The following TRPV1 variants were observed in gnomAD, a reference collection of about 807,000 sequenced individuals.
TRPV1 encodes the protein OTRPC1.
In TRPV1, 82 loss-of-function variants were observed where a neutral mutation model predicts 82.3. The observed-to-expected ratio is 1.00, with a 90% CI of 0.83 to 1.20. The LOEUF is 1.20. TRPV1 is among the 50% of genes most tolerant of loss of function. The probability of loss-of-function intolerance (pLI) is 0.00; values close to 1 mark genes in which losing one functional copy is unlikely to be tolerated. For missense variants in TRPV1, 1,067 were observed against 1,096.8 expected, an observed-to-expected ratio of 0.97 and a Z score of 0.38; for synonymous variants, 515 against 467.7, an observed-to-expected ratio of 1.10 and a Z score of -1.30.
intron 2 of TRPV1, among the ~76,000 whole-genome samples, chr17:3,601,292 A>C (rs2075261067): frequency 2.0e-5 from 3 of 148,754 alleles, no homozygotes; most frequent in African/African-American, 5.0e-5. Context: ...ACAACCCCTC[A>C]CCTCCAGATC....
At chr17:3,597,672 CTTTTTTTT>C (rs34662119) in intron 2 of TRPV1, among the ~76,000 whole-genome samples, 1 of 117,894 alleles carries the variant, frequency 8.5e-6, no homozygotes, top group Non-Finnish European at 1.7e-5. Flanking sequence ...GTGTCATTTC[CTTTTTTTT>C]TTTTTTTTTT....
In TRPV1 at chr17:3,572,179, T is replaced by C; in HGVS notation, c.2174A>G (p.Lys725Arg). ...KCMRKAFRSG[K>R]LLQVGYTPDG... is the part of the protein sequence containing the mutation. ...AGGTGTGTACCCCACCTGCAGCAGC[T>C]TGCCTGAGCGGAAGGCCTTCCTCAT... The change falls in exon 15 of 17, where the codon AAG (lysine) becomes AGG (arginine). Residue 725 changes from lysine to arginine, a missense_variant. Lys to Arg is a conservative substitution (Grantham distance 26). Coordinates refer to ENST00000572705, the MANE Select transcript of TRPV1 (RefSeq NM_080704.4). The C allele has an allele frequency of 6.2e-7, 1 of 1,613,490 alleles. No individual in the cohort carries two copies. The highest frequency in any genetic ancestry group is 1.3e-5 in the African/African-American group (1 of 75,046).
At chr17:3,581,823 T>G (rs1479353682) in intron 10 of TRPV1, among the ~76,000 whole-genome samples, 1 of 144,824 alleles carries the variant, frequency 6.9e-6, no homozygotes, top group Non-Finnish European at 1.5e-5. Flanking sequence ...AGGTGGAGGT[T>G]GCAGTGAGCC....
chr17:3,571,621 C>G lies in TRPV1; in HGVS notation c.2250G>C (p.Trp750Cys). ...RWCFRVDEVN[W>C]TTWNTNVGII... ...TGCCCACGTTGGTGTTCCAGGTGGTCCAGTTCACCTCGTCCACCCTGCAGG... is the reference window on the plus strand; with the variant it reads ...TGCCCACGTTGGTGTTCCAGGTGGTGCAGTTCACCTCGTCCACCCTGCAGG... Residue 750 changes from tryptophan to cysteine, a missense_variant, in exon 16 of 17, where the codon TGG becomes TGC. By Grantham distance (215) the Trp-to-Cys change is radical. Coordinates refer to ENST00000572705, the MANE Select transcript of TRPV1 (RefSeq NM_080704.4). 6.2e-7 allele frequency: 1 copy of G among 1,611,674 alleles called. No homozygotes were observed. Among genetic ancestry groups the G allele is most frequent in the Non-Finnish European group, 8.5e-7 (1 of 1,179,044 alleles).
chr17:3,590,119 G>A lies in TRPV1; in HGVS notation c.746-14C>T. ...GGGGCAGTTCACCTGCATGAACACA[G>A]GGCCCAGGTGGGCCTCAGGAGTGAG... On this transcript the variant is annotated splice_polypyrimidine_tract_variant and intron_variant, in intron 6 of 16. Transcript: ENST00000572705. 6.3e-7 allele frequency: 1 copy of A among 1,593,878 alleles called. No homozygotes were observed. Among genetic ancestry groups the A allele is most frequent in the East Asian group, 2.2e-5 (1 of 44,602 alleles).
intron 16 of TRPV1, among the ~76,000 whole-genome samples, chr17:3,571,110 T>TC (rs1203107527): frequency 1.3e-5 from 2 of 152,174 alleles, no homozygotes; most frequent in Non-Finnish European, 2.9e-5. Flanking sequence ...TGACAAGTGT[T>TC]CCCGTCTGCC....
intron 2 of TRPV1, chr17:3,592,849 CTG>C (rs2075177603): frequency 6.2e-6 from 1 of 160,564 alleles, no homozygotes. Context: ...GCCAAGCAGA[CTG>C]TGTCCCTGGA....
chr17:3,605,122 T>C (rs1176844431), intron 2 of TRPV1, among the ~76,000 whole-genome samples: 1 of 152,230 alleles, frequency 6.6e-6, no homozygotes, highest in East Asian at 1.9e-4. Context: ...CTCTGGGGTT[T>C]GAATCCTAGC....
At chr17:3,582,046 C>T (rs577508609) in intron 10 of TRPV1, among the ~76,000 whole-genome samples, 13 of 148,264 alleles carry the variant, frequency 8.8e-5, no homozygotes, top group Admixed American at 4.1e-4. Context: ...AAAAATTAGC[C>T]GGGCGTGGTG....
At chr17:3,600,458 G>A (rs1026266021) in intron 2 of TRPV1, among the ~76,000 whole-genome samples, 3 of 152,138 alleles carry the variant, frequency 2.0e-5, no homozygotes, top group African/African-American at 7.2e-5. Context: ...GCGTGGTGGT[G>A]CACGCCTGTA....
chr17:3,577,958 G>T (rs61601961), intron 11 of TRPV1, 195 bp from the exon 12 acceptor site: 199,993 of 569,326 alleles, frequency 0.35, 37,811 homozygotes, highest in East Asian at 0.52. Flanking sequence ...AAATTGGCTT[G>T]GTGAGGAGCT....
chr17:3,586,365 C>A (rs943391698), intron 8 of TRPV1, among the ~76,000 whole-genome samples: 3 of 152,222 alleles, frequency 2.0e-5, no homozygotes, highest in Non-Finnish European at 2.9e-5. Flanking sequence ...TCAGGCAGGG[C>A]GGCAGGGAGG....
chr17:3,568,461 A>C (rs901603888), intron 16 of TRPV1, among the ~76,000 whole-genome samples: 1 of 152,240 alleles, frequency 6.6e-6, no homozygotes, highest in East Asian at 1.9e-4. Context: ...GGATGCAGGG[A>C]TTGCTTCCAA....
intron 2 of TRPV1, chr17:3,595,795 C>T (rs1057378852): frequency 6.6e-6 from 1 of 152,212 alleles, no homozygotes; most frequent in Non-Finnish European, 1.5e-5. Context: ...ATCATTCAGT[C>T]AGTCGACAAA....
At chr17:3,601,458 A>G (rs2075262670) in intron 2 of TRPV1, among the ~76,000 whole-genome samples, 1 of 147,500 alleles carries the variant, frequency 6.8e-6, no homozygotes, top group Admixed American at 6.8e-5. Context: ...CTTCCCAGCC[A>G]CACTAAACGT....
In TRPV1 at chr17:3,588,229, A is replaced by G; in HGVS notation, c.1183T>C (p.Ser395Pro). The change falls in exon 8 of 17, where the codon TCG (serine) becomes CCG (proline). Residue 395 changes from serine to proline, a missense_variant. By Grantham distance (74) the Ser-to-Pro change is moderately conservative. Transcript: ENST00000572705. ...CTGTAGGCGATCACCTCCAGCACCGAGTTCTTCTCGCAGGTGTCGATGCAG... is the reference window on the plus strand; with the variant it reads ...CTGTAGGCGATCACCTCCAGCACCGGGTTCTTCTCGCAGGTGTCGATGCAG... ...LSCIDTCEKN[S>P]VLEVIAYSSS... The G allele has an allele frequency of 6.3e-7, 1 of 1,578,274 alleles. No individual in the cohort carries two copies. Among genetic ancestry groups the G allele is most frequent in the Non-Finnish European group, 8.6e-7 (1 of 1,162,664 alleles).
At chr17:3,602,441 G>A (rs577809174) in intron 2 of TRPV1, among the ~76,000 whole-genome samples, 142 of 152,300 alleles carry the variant, frequency 9.3e-4, no homozygotes, top group African/African-American at 3.2e-3. Context: ...CCTCAGGGCT[G>A]GCCATCACTG....
At position 3,585,833 on chromosome 17, in the gene TRPV1, G is replaced by A. The variant is rs1296911481; in HGVS notation, c.1318C>T (p.Leu440=). The A allele has an allele frequency of 1.2e-6, 2 of 1,613,990 alleles. No individual in the cohort carries two copies. The highest frequency in any genetic ancestry group is 8.5e-7 in the Non-Finnish European group (1 of 1,179,884). ...ATGATCATGTACAGGCAGTAGACCA[G>A]GAAGTTGAAGTAGAAGATGCGCTTG... is the stretch of plus-strand genomic sequence containing the variant. ...FVKRIFYFNF[L]VYCLYMIIFT... Residue 440 remains leucine, a synonymous_variant, in exon 9 of 17, where the codon CTG becomes TTG. Coordinates refer to ENST00000572705, the MANE Select transcript of TRPV1 (RefSeq NM_080704.4).
intron 2 of TRPV1, among the ~76,000 whole-genome samples, chr17:3,595,159 T>C (rs1440194292): frequency 6.6e-6 from 1 of 152,192 alleles, no homozygotes; most frequent in Admixed American, 6.5e-5. Flanking sequence ...GAATCGTTGA[T>C]GCGTCTGAGC....
Sources: allele counts gnomAD v4.1 joint callset (sites outside exome capture counted in the v4.1 genomes callset), GRCh38; gene constraint gnomAD v4.1.1; transcripts MANE v1.5; gene names NCBI Gene and HGNC (gene_info 2026-07-23, HGNC 2026-07-21).